BTG4: variants seen among roughly 807,000 people sequenced by gnomAD.
The protein encoded by BTG4 is protein BTG4.
BTG4 carries 10 observed loss-of-function variants against 19.3 expected under a neutral mutation model. The observed-to-expected ratio is 0.52, with a 90% CI of 0.32 to 0.88. The LOEUF (loss-of-function observed/expected upper bound fraction) is 0.88, where lower values mean the gene tolerates loss of function less well. Ranked by LOEUF, BTG4 falls within the 40% of genes least tolerant of loss-of-function variation. The pLI, the probability that BTG4 is intolerant of heterozygous loss-of-function variation, is 0.04. For synonymous variants in BTG4, 91 were observed against 95.7 expected (o/e 0.95, Z 0.29); for missense variants, 238 against 281.9 (o/e 0.84, Z 1.11).
At chr11:111,422,950 C>A in the BTG4 span, among the ~76,000 whole-genome samples, 1 of 152,202 alleles carries the variant, frequency 6.6e-6, no homozygotes, top group Non-Finnish European at 1.5e-5. Flanking sequence ...TTTTCCCCCA[C>A]CTTAGTGAGA....
intron 5 of BTG4, among the ~76,000 whole-genome samples, chr11:111,486,303 G>T (rs1180562200): frequency 6.6e-6 from 1 of 152,102 alleles, no homozygotes; most frequent in Non-Finnish European, 1.5e-5. Flanking sequence ...AGACACGGTG[G>T]TGTGCACCTG....
chr11:111,447,457 C>G, the BTG4 span, among the ~76,000 whole-genome samples: 1 of 152,230 alleles, frequency 6.6e-6, no homozygotes, highest in Non-Finnish European at 1.5e-5. Context: ...ATTTCCTTTG[C>G]ATCTCTCCTG....
At chr11:111,415,463 G>C in the BTG4 span, among the ~76,000 whole-genome samples, 1 of 152,236 alleles carries the variant, frequency 6.6e-6, no homozygotes, top group Admixed American at 6.5e-5. Flanking sequence ...CTATTTGAAA[G>C]CATCATGCCC....
At chr11:111,442,682 C>A in the BTG4 span, among the ~76,000 whole-genome samples, 1 of 144,262 alleles carries the variant, frequency 6.9e-6, no homozygotes, top group African/African-American at 2.6e-5. Flanking sequence ...TCACAACAAC[C>A]AGCACTGGAT....
chr11:111,505,038 A>G (rs1055918355), intron 1 of BTG4, among the ~76,000 whole-genome samples: 1 of 152,148 alleles, frequency 6.6e-6, no homozygotes, highest in South Asian at 2.1e-4. Context: ...AAATAACCAT[A>G]TTACCCAAGC....
the BTG4 span, chr11:111,404,766 C>G: frequency 1.4e-4 from 59 of 421,408 alleles, no homozygotes; most frequent in Non-Finnish European, 2.8e-5. Context: ...GACATGAAAA[C>G]TTGGAGCTTT....
chr11:111,463,947 C>G (rs1863568449), downstream of BTG4, among the ~76,000 whole-genome samples: 1 of 152,206 alleles, frequency 6.6e-6, no homozygotes, highest in Non-Finnish European at 1.5e-5. Context: ...TGGCAGCTGG[C>G]TTCTCTCAGA....
chr11:111,443,996 C>T, the BTG4 span, among the ~76,000 whole-genome samples: 31,892 of 152,102 alleles, frequency 0.21, 3,620 homozygotes, highest in Admixed American at 0.28. Flanking sequence ...CTAAACGATG[C>T]CTGCTTTGCA....
At chr11:111,416,534 G>A in the BTG4 span, 1 of 152,094 alleles carries the variant, frequency 6.6e-6, no homozygotes, top group Admixed American at 6.5e-5. Flanking sequence ...AGTGAGTTGG[G>A]TGCTTCAGGT....
the BTG4 span, among the ~76,000 whole-genome samples, chr11:111,446,577 G>A: frequency 6.6e-6 from 1 of 151,698 alleles, no homozygotes; most frequent in Non-Finnish European, 1.5e-5. Flanking sequence ...TTACACAGAT[G>A]CTAATCTTAC....
the BTG4 span, among the ~76,000 whole-genome samples, chr11:111,444,417 A>T: frequency 6.6e-6 from 1 of 152,038 alleles, no homozygotes. Context: ...ATTCATGGAC[A>T]TAGAGAGTAG....
the BTG4 span, among the ~76,000 whole-genome samples, chr11:111,435,676 G>C: frequency 5.9e-5 from 9 of 152,198 alleles, no homozygotes; most frequent in African/African-American, 1.9e-4. Context: ...GTGGATTCTG[G>C]GGAAAGGGGG....
At chr11:111,462,462 C>A in the BTG4 span, 2 of 152,418 alleles carry the variant, frequency 1.3e-5, no homozygotes, top group Non-Finnish European at 2.9e-5. Context: ...GGCTCAGATC[C>A]CCACAGCAGA....
intron 5 of BTG4, among the ~76,000 whole-genome samples, chr11:111,485,156 T>G (rs1864980968): frequency 6.6e-6 from 1 of 152,034 alleles, no homozygotes. Context: ...CTCAATACAA[T>G]ATCTGGGAAT....
At chr11:111,452,919 T>C in the BTG4 span, among the ~76,000 whole-genome samples, 1 of 151,624 alleles carries the variant, frequency 6.6e-6, no homozygotes, top group African/African-American at 2.4e-5. Flanking sequence ...TACCAGAGGG[T>C]TGGTAAGTTG....
At chr11:111,493,827 A>T (rs2135653041), downstream of BTG4, among the ~76,000 whole-genome samples, 1 of 152,322 alleles carries the variant, frequency 6.6e-6, no homozygotes, top group South Asian at 2.1e-4. Context: ...TAGAAAAAAA[A>T]GAAAAAATGA....
chr11:111,419,172 A>C, the BTG4 span, among the ~76,000 whole-genome samples: 2 of 152,236 alleles, frequency 1.3e-5, no homozygotes, highest in African/African-American at 4.8e-5. Context: ...GGTACTGGGG[A>C]TTAGGAAGTC....
the BTG4 span, chr11:111,455,164 C>T: frequency 2.3e-6 from 1 of 433,416 alleles, no homozygotes; most frequent in African/African-American, 2.0e-5. Context: ...GGTCCAGGCT[C>T]CCTCCCTTAG....
At chr11:111,477,394 A>T (rs1864456586) in intron 5 of BTG4, among the ~76,000 whole-genome samples, 1 of 152,158 alleles carries the variant, frequency 6.6e-6, no homozygotes, top group Admixed American at 6.6e-5. Flanking sequence ...AACCTCAATA[A>T]ATGTAGAAGC....
Sources: allele counts gnomAD v4.1 joint callset (sites outside exome capture counted in the v4.1 genomes callset), GRCh38; gene constraint gnomAD v4.1.1; transcripts MANE v1.5; gene names NCBI Gene and HGNC (gene_info 2026-07-23, HGNC 2026-07-21).